Variants in TRIO observed in about 807,000 individuals in gnomAD.
TRIO encodes the protein triple functional domain protein.
A neutral mutation model predicts 351.9 loss-of-function variants in TRIO; 58 were observed. The ratio of observed to expected loss-of-function variants is 0.16; its 90% CI spans 0.13 to 0.21. The LOEUF is 0.21. Among genes scored for constraint, TRIO ranks in the 10% least tolerant of loss-of-function variants. The pLI is 1.00. For missense variants in TRIO, 3,201 were observed against 4,027.8 expected (o/e 0.79, Z 5.56); for synonymous variants, 1,758 against 1,595.7 (o/e 1.10, Z -2.42).
intron 2 of TRIO, among the ~76,000 whole-genome samples, chr5:14,271,250 C>T (rs1795958271): frequency 6.6e-6 from 1 of 152,162 alleles, no homozygotes; most frequent in Admixed American, 6.5e-5. Context: ...GTAGATGGGT[C>T]CTGAATTTCT....
At chr5:14,473,011 G>C (rs1754796851) in intron 39 of TRIO, among the ~76,000 whole-genome samples, 1 of 152,178 alleles carries the variant, frequency 6.6e-6, no homozygotes, top group South Asian at 2.1e-4. Flanking sequence ...CAGAAATGAA[G>C]ACCTTACTGG....
At chr5:14,401,650 T>C (rs915586148) in intron 31 of TRIO, among the ~76,000 whole-genome samples, 1 of 152,138 alleles carries the variant, frequency 6.6e-6, no homozygotes, top group Non-Finnish European at 1.5e-5. Flanking sequence ...GGGAGGAAAA[T>C]ATCTTGGAAT....
At chr5:14,155,800 C>G (rs1461529440) in intron 1 of TRIO, among the ~76,000 whole-genome samples, 1 of 152,172 alleles carries the variant, frequency 6.6e-6, no homozygotes, top group East Asian at 1.9e-4. Flanking sequence ...CAGGTCTCTC[C>G]ACCCTATTTG....
chr5:14,379,921 C>G (rs188691902), intron 20 of TRIO, among the ~76,000 whole-genome samples: 2 of 152,234 alleles, frequency 1.3e-5, no homozygotes, highest in Non-Finnish European at 2.9e-5. Flanking sequence ...AGGGCTCTTG[C>G]TGATCTTGCC....
intron 9 of TRIO, 100 bp from the exon 10 acceptor site, chr5:14,330,678 C>T (rs942230540): frequency 4.4e-6 from 6 of 1,367,786 alleles, no homozygotes; most frequent in East Asian, 2.6e-5. Context: ...TTGTTTCTTA[C>T]AGAGTTTTAA....
At position 14,331,365 on chromosome 5, in the gene TRIO, C is replaced by T. The variant is rs111883987; in HGVS notation, c.1854+465C>T. Among the ~76,000 whole-genome samples the T allele has an allele frequency of 3.3e-3, 508 of 152,204 alleles. 1 individual carries two copies. Among genetic ancestry groups the T allele is most frequent in the Non-Finnish European group, 6.2e-3 (420 of 68,014 alleles). On this transcript the variant is annotated intron_variant, in intron 10 of 56. Coordinates refer to ENST00000344204, the MANE Select transcript of TRIO (RefSeq NM_007118.4). ...ACTGGCCGCCTGACTTTGGACAAGT[C>T]GCTTAACCTTTCTAAGGTTAACTTT...
chr5:14,221,017 T>A (rs2152208527), intron 1 of TRIO, among the ~76,000 whole-genome samples: 1 of 152,340 alleles, frequency 6.6e-6, no homozygotes, highest in Non-Finnish European at 1.5e-5. Flanking sequence ...GACAGGCGAC[T>A]TTCTTGTTGG....
chr5:14,386,613 C>G (rs1426468321), intron 21 of TRIO, among the ~76,000 whole-genome samples: 1 of 152,050 alleles, frequency 6.6e-6, no homozygotes, highest in Non-Finnish European at 1.5e-5. Flanking sequence ...CAAAGGAAGC[C>G]TAATAGTAAT....
At chr5:14,275,491 A>G (rs1356037001) in intron 2 of TRIO, among the ~76,000 whole-genome samples, 3 of 152,164 alleles carry the variant, frequency 2.0e-5, no homozygotes, top group African/African-American at 7.2e-5. Flanking sequence ...AATAACTAAA[A>G]AATAGTTAAA....
At position 14,336,417 on chromosome 5, in the gene TRIO, A is replaced by T. The variant is rs1395978175; in HGVS notation, c.1855-119A>T. 5.8e-6 allele frequency: 6 copies of T among 1,031,344 alleles called. No homozygotes were observed. The African/African-American group carries it at 8.0e-5, about 14-fold the overall frequency. 63.9% of individuals were successfully genotyped at this position (1,031,344 alleles called of 1,614,324 possible). Reference sequence around the variant, plus strand: ...TCTCCCCATCATATTTTTCTGTTTGATTCATGTAAGTGATCAAAAATATCA... The same window carrying T: ...TCTCCCCATCATATTTTTCTGTTTGTTTCATGTAAGTGATCAAAAATATCA... On this transcript the variant is annotated intron_variant, in intron 10 of 56. Transcript: ENST00000344204.
At chr5:14,144,236 G>A (rs978513351) in intron 1 of TRIO, among the ~76,000 whole-genome samples, 5 of 152,226 alleles carry the variant, frequency 3.3e-5, no homozygotes, top group Non-Finnish European at 7.3e-5. Flanking sequence ...CTGGAGGACC[G>A]AGGAGGCGGC....
Position 14,403,985 on chromosome 5 carries a change from G to A in TRIO, c.4717-1863G>A, listed in dbSNP as rs1327353716. ...TGTGGTGAGGGTACAGGTGGTGAGG[G>A]TGCAGGTTGTGGTGAGGGTGTAGGT... On this transcript the variant is annotated intron_variant, in intron 31 of 56. Transcript: ENST00000344204. 6.2e-5 allele frequency among the ~76,000 whole-genome samples: 9 copies of A among 145,008 alleles called. No individual in the cohort carries two copies. The South Asian group carries it at 1.4e-3, about 22-fold the overall frequency.
intron 34 of TRIO, among the ~76,000 whole-genome samples, chr5:14,459,982 C>G (rs1753649862): frequency 6.6e-6 from 1 of 151,942 alleles, no homozygotes; most frequent in South Asian, 2.1e-4. Flanking sequence ...ATGGCGTGAT[C>G]TTGGCCCACC....
At chr5:14,321,455 C>T (rs1212270560) in intron 9 of TRIO, among the ~76,000 whole-genome samples, 1 of 152,256 alleles carries the variant, frequency 6.6e-6, no homozygotes, top group Non-Finnish European at 1.5e-5. Flanking sequence ...GACTTCTGAA[C>T]AGCATCAAGC....
intron 19 of TRIO, 99 bp from the exon 20 acceptor site, chr5:14,377,913 T>TG (rs1745712006): frequency 1.2e-6 from 1 of 861,470 alleles, no homozygotes; most frequent in Non-Finnish European, 1.9e-6. Flanking sequence ...TGTCTTGCAA[T>TG]GGCATTTGCA....
At chr5:14,230,207 T>C (rs926904805) in intron 1 of TRIO, among the ~76,000 whole-genome samples, 3 of 152,216 alleles carry the variant, frequency 2.0e-5, no homozygotes, top group South Asian at 2.1e-4. Context: ...CCTCCACTTA[T>C]GTGATAGTTC....
At chr5:14,445,347 T>C (rs1454727447) in intron 34 of TRIO, among the ~76,000 whole-genome samples, 1 of 152,184 alleles carries the variant, frequency 6.6e-6, no homozygotes, top group Non-Finnish European at 1.5e-5. Flanking sequence ...AAATATCTAG[T>C]TTCTCTGAAA....
chr5:14,268,586 C>T lies in TRIO; in HGVS notation c.158-2239C>T, dbSNP rs76794896. On this transcript the variant is annotated intron_variant, in intron 1 of 56. Transcript: ENST00000344204. ...GGACGTGGGAATGGTAGGAAGCATG[C>T]GTTTTCTCATCTGAGCAACAGAAGG... 5.6e-3 allele frequency among the ~76,000 whole-genome samples: 860 copies of T among 152,234 alleles called. 12 individuals carry two copies. The highest frequency in any genetic ancestry group is 0.02 in the African/African-American group (816 of 41,526).
chr5:14,270,761 T>C, intron 1 of TRIO, 64 bp from the exon 2 acceptor site: 1 of 1,299,340 alleles, frequency 7.7e-7, no homozygotes, highest in South Asian at 1.2e-5. Flanking sequence ...TTGGATAGAA[T>C]GGTTAAGGAA....
Sources: gnomAD v4.1 joint callset for allele counts (sites outside exome capture counted in the v4.1 genomes callset) on GRCh38, gnomAD v4.1.1 for gene constraint, MANE v1.5 for transcripts, NCBI Gene and HGNC (gene_info 2026-07-23, HGNC 2026-07-21) for gene names.